CNIH3: variants seen among roughly 807,000 people sequenced by gnomAD.
CNIH3 encodes protein cornichon homolog 3.
A neutral mutation model predicts 24.1 loss-of-function variants in CNIH3; 14 were observed. The ratio of observed to expected loss-of-function variants is 0.58; its 90% CI spans 0.38 to 0.91. CNIH3 has a LOEUF of 0.91. Among genes scored for constraint, CNIH3 ranks in the 40% least tolerant of loss-of-function variants. CNIH3 has a pLI of 0.00. For missense variants in CNIH3, 178 were observed against 196.8 expected (o/e 0.90, Z 0.57); for synonymous variants, 68 against 73.8 (o/e 0.92, Z 0.40).
chr1:224,677,248 A>T (rs376734903), intron 1 of CNIH3, among the ~76,000 whole-genome samples: 1 of 152,192 alleles, frequency 6.6e-6, no homozygotes, highest in African/African-American at 2.4e-5. Flanking sequence ...AGCAGACAAT[A>T]CATGAGAGCT....
chr1:224,684,259 C>A lies in CNIH3; in HGVS notation c.151-537C>A, dbSNP rs1460286814. Among the ~76,000 whole-genome samples the A allele has an allele frequency of 6.6e-6, 1 of 152,232 alleles. No individual in the cohort carries two copies. The highest frequency in any genetic ancestry group is 2.4e-5 in the African/African-American group (1 of 41,454). On this transcript the variant is annotated intron_variant, in intron 2 of 5. Transcript: ENST00000272133. The surrounding 1 kb of genome is among the most constrained non-coding windows in gnomAD (Gnocchi z 4.2). Reference sequence around the variant, plus strand: ...CTCGAACTTCTTAAAAAGCCTTAGCCTGGGGGCATCATTGTTGTCTAATTT... The same window carrying A: ...CTCGAACTTCTTAAAAAGCCTTAGCATGGGGGCATCATTGTTGTCTAATTT...
chr1:224,699,729 C>T (rs957619252), intron 3 of CNIH3, among the ~76,000 whole-genome samples: 5 of 152,072 alleles, frequency 3.3e-5, no homozygotes, highest in Admixed American at 6.5e-5. Context: ...GCTGGGGAAC[C>T]TGTGTGTGGC....
At chr1:224,618,313 C>G (rs1683125466) in intron 1 of CNIH3, among the ~76,000 whole-genome samples, 1 of 152,220 alleles carries the variant, frequency 6.6e-6, no homozygotes, top group Non-Finnish European at 1.5e-5. Context: ...AATTTCCCAC[C>G]TTTAACAGCC....
intron 3 of CNIH3, among the ~76,000 whole-genome samples, chr1:224,563,851 C>T (rs1263004836): frequency 1.3e-5 from 2 of 152,194 alleles, no homozygotes; most frequent in East Asian, 1.9e-4. Flanking sequence ...TTCCAGCTTT[C>T]CTGTTGGCCC....
intron 1 of CNIH3, among the ~76,000 whole-genome samples, chr1:224,509,472 T>C (rs1193973660): frequency 6.6e-6 from 1 of 152,142 alleles, no homozygotes; most frequent in East Asian, 1.9e-4. Context: ...ACACATAATC[T>C]ACCCTCACCA....
intron 1 of CNIH3, among the ~76,000 whole-genome samples, chr1:224,500,068 A>G (rs1365054310): frequency 6.6e-6 from 1 of 151,970 alleles, no homozygotes; most frequent in Admixed American, 6.6e-5. Flanking sequence ...TAGTGGCACA[A>G]TCATGGCTCA....
intron 1 of CNIH3, among the ~76,000 whole-genome samples, chr1:224,475,141 G>A (rs1408072933): frequency 1.3e-5 from 2 of 149,280 alleles, no homozygotes; most frequent in Non-Finnish European, 3.0e-5. Flanking sequence ...GGCGGATCAC[G>A]GTCAGGAGAT....
At chr1:224,647,990 G>A (rs964803610) in intron 1 of CNIH3, among the ~76,000 whole-genome samples, 4 of 152,202 alleles carry the variant, frequency 2.6e-5, no homozygotes, top group Non-Finnish European at 5.9e-5. Flanking sequence ...ATATACTGAT[G>A]AATTCTGTTT....
chr1:224,739,442 A>G lies in CNIH3; in HGVS notation c.*86A>G. The G allele has an allele frequency of 1.3e-6, 2 of 1,576,748 alleles. No individual in the cohort carries two copies. Among genetic ancestry groups the G allele is most frequent in the Non-Finnish European group, 1.7e-6 (2 of 1,168,398 alleles). ...ATTTCTGCTGGTGACTGGAGGAGGGACCAGAATGAGGATACGTGAGAAATA... is the reference window on the plus strand; with the variant it reads ...ATTTCTGCTGGTGACTGGAGGAGGGGCCAGAATGAGGATACGTGAGAAATA... On this transcript the variant is annotated 3_prime_UTR_variant, in exon 6 of 6. Coordinates refer to ENST00000272133, the MANE Select transcript of CNIH3 (RefSeq NM_152495.2).
At position 224,604,188 on chromosome 1, in the gene CNIH3, T is replaced by A. The variant is rs1682319773; in HGVS notation, n.402+37924T>A. Among the ~76,000 whole-genome samples the A allele has an allele frequency of 6.6e-6, 1 of 152,264 alleles. No homozygotes were observed. ...CTGAATTAATGAGTTTAATTTTGAA[T>A]TTAATTATTAATAAATTCTACTGAT... On this transcript the variant is annotated intron_variant and non_coding_transcript_variant, in intron 3 of 7. Transcript: ENST00000478120. This position sits in a 1 kb window ranked among gnomAD's most constrained non-coding sequence, Gnocchi z 4.4.
chr1:224,522,699 A>G (rs1678688666), intron 2 of CNIH3, among the ~76,000 whole-genome samples: 1 of 152,214 alleles, frequency 6.6e-6, no homozygotes, highest in Non-Finnish European at 1.5e-5. Context: ...GGAAACAGCA[A>G]GGAGATCCCA....
At chr1:224,601,362 G>A (rs1367415812) in intron 3 of CNIH3, among the ~76,000 whole-genome samples, 3 of 152,144 alleles carry the variant, frequency 2.0e-5, no homozygotes, top group African/African-American at 7.2e-5. Context: ...GTTCCCAGAG[G>A]GAGGAACACT....
At chr1:224,561,571 C>G (rs894107526) in intron 3 of CNIH3, among the ~76,000 whole-genome samples, 3 of 152,118 alleles carry the variant, frequency 2.0e-5, no homozygotes, top group African/African-American at 7.2e-5. Flanking sequence ...CTCGATGTGG[C>G]CTCTTCTAAT....
chr1:224,524,104 C>A (rs1441712854), intron 2 of CNIH3, among the ~76,000 whole-genome samples: 1 of 152,196 alleles, frequency 6.6e-6, no homozygotes, highest in Non-Finnish European at 1.5e-5. Context: ...GGCCTCTGGT[C>A]AGCCCAAGGT....
chr1:224,600,402 G>C (rs1682158084), intron 3 of CNIH3, among the ~76,000 whole-genome samples: 1 of 152,110 alleles, frequency 6.6e-6, no homozygotes, highest in East Asian at 1.9e-4. Context: ...TTGTTGGTCA[G>C]GCTGGTCTCC....
chr1:224,697,081 T>A (rs1687215173), intron 3 of CNIH3, among the ~76,000 whole-genome samples: 1 of 152,172 alleles, frequency 6.6e-6, no homozygotes, highest in South Asian at 2.1e-4. Flanking sequence ...GGGCTATGAT[T>A]TTCATAATGC....
chr1:224,575,148 A>G (rs1473300878), intron 4 of CNIH3: 1 of 989,974 alleles, frequency 1.0e-6, no homozygotes, highest in Non-Finnish European at 1.6e-6. Context: ...GATCAAGGCG[A>G]TCACAGCCAA....
At chr1:224,507,623 A>G (rs962400965) in intron 1 of CNIH3, among the ~76,000 whole-genome samples, 3 of 152,172 alleles carry the variant, frequency 2.0e-5, no homozygotes, top group Non-Finnish European at 2.9e-5. Flanking sequence ...ACACAGTCTA[A>G]GCCCCAAAAC....
At chr1:224,491,799 G>C (rs943946554) in intron 1 of CNIH3, among the ~76,000 whole-genome samples, 3 of 151,938 alleles carry the variant, frequency 2.0e-5, no homozygotes, top group African/African-American at 7.3e-5. Flanking sequence ...GTAGAGATGG[G>C]GTTTCACCAT....
Sources: allele counts gnomAD v4.1 joint callset (sites outside exome capture counted in the v4.1 genomes callset), GRCh38; gene constraint gnomAD v4.1.1; non-coding constraint Gnocchi (gnomAD v3.1); transcripts MANE v1.5; gene names NCBI Gene and HGNC (gene_info 2026-07-23, HGNC 2026-07-21).